PTPRG: variants seen among roughly 807,000 people sequenced by gnomAD.
PTPRG encodes the protein protein tyrosine phosphatase receptor type G, also known as receptor-type tyrosine-protein phosphatase gamma.
In PTPRG, 102 loss-of-function variants were observed where a neutral mutation model predicts 165.3. The observed-to-expected ratio is 0.62, with a 90% CI of 0.53 to 0.73. The LOEUF (loss-of-function observed/expected upper bound fraction) is 0.73. Among genes scored for constraint, PTPRG ranks in the 30% least tolerant of loss-of-function variants. PTPRG has a pLI of 0.00. For missense variants in PTPRG, 1,866 were observed against 1,861.4 expected, an observed-to-expected ratio of 1.00 and a Z score of -0.05; for synonymous variants, 675 against 669.5, an observed-to-expected ratio of 1.01 and a Z score of -0.13.
chr3:62,031,530 G>A (rs1451452898), intron 4 of PTPRG, among the ~76,000 whole-genome samples: 1 of 152,180 alleles, frequency 6.6e-6, no homozygotes, highest in African/African-American at 2.4e-5. Context: ...AGGGAGATGA[G>A]AATCCTTCGA....
intron 1 of PTPRG, among the ~76,000 whole-genome samples, chr3:61,625,496 GT>G (rs1330230184): frequency 3.3e-5 from 5 of 152,050 alleles, no homozygotes; most frequent in Non-Finnish European, 5.9e-5. Flanking sequence ...TAGTTTTAGG[GT>G]GGTAATGATC....
chr3:62,061,079 T>G (rs1700794038), intron 4 of PTPRG, among the ~76,000 whole-genome samples: 1 of 152,240 alleles, frequency 6.6e-6, no homozygotes, highest in South Asian at 2.1e-4. Context: ...TTGTAACATT[T>G]GTGACACTGG....
rs536383885 is a variant in PTPRG at position 62,253,717 on chromosome 3, T to G, written c.2468-1407T>G. Among the ~76,000 whole-genome samples the G allele has an allele frequency of 3.3e-5, 5 of 152,282 alleles. No individual in the cohort carries two copies. The East Asian group carries it at 9.7e-4, about 29-fold the overall frequency. On this transcript the variant is annotated intron_variant, in intron 15 of 29. Transcript: ENST00000474889. ...TGGTTACATCATGAGAGCTATAGAT[T>G]TCTTGGGCATGCAAAATGATTGCAT... is the stretch of plus-strand genomic sequence containing the variant.
At chr3:61,632,459 CTTCTG>C (rs1701795874) in intron 1 of PTPRG, among the ~76,000 whole-genome samples, 1 of 152,190 alleles carries the variant, frequency 6.6e-6, no homozygotes, top group African/African-American at 2.4e-5. Flanking sequence ...AAAGAAATCA[CTTCTG>C]TTCTAGGATA....
At chr3:61,757,838 C>T (rs1433615953) in intron 2 of PTPRG, among the ~76,000 whole-genome samples, 1 of 152,070 alleles carries the variant, frequency 6.6e-6, no homozygotes, top group Non-Finnish European at 1.5e-5. Context: ...TTTGAAACTA[C>T]CTTCTTTGGG....
At chr3:62,181,935 T>A (rs2106777457) in intron 8 of PTPRG, among the ~76,000 whole-genome samples, 1 of 152,294 alleles carries the variant, frequency 6.6e-6, no homozygotes, top group East Asian at 1.9e-4. Flanking sequence ...CCAGTATAAA[T>A]TTTGACTCTC....
At chr3:62,049,891 G>C (rs1317882711) in intron 4 of PTPRG, among the ~76,000 whole-genome samples, 1 of 152,136 alleles carries the variant, frequency 6.6e-6, no homozygotes, top group East Asian at 1.9e-4. Flanking sequence ...CGCTGTTTTT[G>C]CTGGACTTTG....
intron 1 of PTPRG, among the ~76,000 whole-genome samples, chr3:61,706,759 G>A (rs1184565626): frequency 2.0e-5 from 3 of 151,830 alleles, no homozygotes; most frequent in Non-Finnish European, 4.4e-5. Flanking sequence ...CAAAGTGTTG[G>A]GATTACAGGG....
intron 2 of PTPRG, among the ~76,000 whole-genome samples, chr3:61,768,488 C>G (rs567016311): frequency 2.7e-4 from 41 of 152,234 alleles, no homozygotes; most frequent in African/African-American, 9.6e-4. Flanking sequence ...AAGTCCCCGG[C>G]AAGTAGCTAA....
chr3:61,596,957 A>G (rs1308452356), intron 1 of PTPRG, among the ~76,000 whole-genome samples: 1 of 152,074 alleles, frequency 6.6e-6, no homozygotes, highest in Non-Finnish European at 1.5e-5. Flanking sequence ...ATTTATAGTG[A>G]AGAGAAATTT....
intron 1 of PTPRG, chr3:61,743,112 C>G: frequency 1.1e-5 from 15 of 1,419,608 alleles, no homozygotes; most frequent in Non-Finnish European, 9.9e-6. Context: ...CTCATGGCTT[C>G]TCACGCCGCG....
At chr3:61,797,114 C>T (rs898612019) in intron 2 of PTPRG, among the ~76,000 whole-genome samples, 5 of 152,194 alleles carry the variant, frequency 3.3e-5, no homozygotes, top group African/African-American at 1.2e-4. Flanking sequence ...TTCCCAGGAG[C>T]TAAGATATTC....
intron 1 of PTPRG, among the ~76,000 whole-genome samples, chr3:61,724,508 C>T (rs952346934): frequency 2.4e-4 from 37 of 151,980 alleles, no homozygotes; most frequent in African/African-American, 7.7e-4. Flanking sequence ...ATAGTCACCC[C>T]AGAATACAGT....
At chr3:61,888,275 C>T (rs1285295862) in intron 2 of PTPRG, among the ~76,000 whole-genome samples, 4 of 151,242 alleles carry the variant, frequency 2.6e-5, no homozygotes, top group African/African-American at 4.9e-5. Context: ...GTATTATGCC[C>T]CTTTACTTTT....
rs148237022 is a variant in PTPRG at position 61,744,032 on chromosome 3, G to C, written c.86-4846G>C. Among the ~76,000 whole-genome samples, 240 of 152,292 alleles carry C rather than the reference G, an allele frequency of 1.6e-3. 2 individuals carry two copies. The highest frequency in any genetic ancestry group is 4.8e-3 in the African/African-American group (198 of 41,554). On this transcript the variant is annotated intron_variant, in intron 1 of 29. Transcript: ENST00000474889. ...CCACACCGCCTTTGGTTGTCTGTCT[G>C]AGCTTAGAAGAGTACAAAGAGTATT...
At chr3:61,723,655 C>A (rs1264819579) in intron 1 of PTPRG, among the ~76,000 whole-genome samples, 1 of 151,958 alleles carries the variant, frequency 6.6e-6, no homozygotes, top group Non-Finnish European at 1.5e-5. Context: ...CAGAGCGGTC[C>A]CATATACCCC....
chr3:61,645,574 G>T (rs1387170035), intron 1 of PTPRG, among the ~76,000 whole-genome samples: 1 of 152,238 alleles, frequency 6.6e-6, no homozygotes, highest in Non-Finnish European at 1.5e-5. Context: ...AGCAGTGGTG[G>T]TAGAGAAGCC....
chr3:62,276,390 A>C (rs1702234034), intron 24 of PTPRG: 1 of 157,544 alleles, frequency 6.3e-6, no homozygotes. Context: ...ATCCTGGATT[A>C]ATCTGTACAA....
Position 62,003,509 on chromosome 3 carries a change from T to G in PTPRG, c.519+12T>G. 6.2e-7 allele frequency: 1 copy of G among 1,613,254 alleles called. No homozygotes were observed. The highest frequency in any genetic ancestry group is 8.5e-7 in the Non-Finnish European group (1 of 1,179,616). On this transcript the variant is annotated intron_variant, in intron 4 of 29. Coordinates refer to ENST00000474889, the MANE Select transcript of PTPRG (RefSeq NM_002841.4). Reference sequence around the variant, plus strand: ...GGTTTCCTGTTGAGGTGAGAGAAAGTCAAGATCTCAACGTGTAGCTGTGCT... The same window carrying G: ...GGTTTCCTGTTGAGGTGAGAGAAAGGCAAGATCTCAACGTGTAGCTGTGCT...
Sources: allele counts gnomAD v4.1 joint callset (sites outside exome capture counted in the v4.1 genomes callset), GRCh38; gene constraint gnomAD v4.1.1; transcripts MANE v1.5; gene names NCBI Gene and HGNC (gene_info 2026-07-23, HGNC 2026-07-21).